The following EXOC2 variants were observed in gnomAD, a reference collection of about 807,000 sequenced individuals.
EXOC2 encodes the protein SEC5-like 1.
In EXOC2, 70 loss-of-function variants were observed where a neutral mutation model predicts 131.8. That is an observed-to-expected ratio of 0.53 (90% CI 0.44 to 0.65). The LOEUF (loss-of-function observed/expected upper bound fraction) is 0.65, where lower values mean the gene tolerates loss of function less well. Among genes scored for constraint, EXOC2 ranks in the 30% least tolerant of loss-of-function variants. The pLI, the probability that EXOC2 is intolerant of heterozygous loss-of-function variation, is 0.00. For missense variants in EXOC2, 923 were observed against 1,108.6 expected, an observed-to-expected ratio of 0.83 and a Z score of 2.38; for synonymous variants, 411 against 398.4, an observed-to-expected ratio of 1.03 and a Z score of -0.38.
intron 23 of EXOC2, among the ~76,000 whole-genome samples, chr6:517,320 C>CA (rs1419136732): frequency 1.3e-5 from 2 of 151,866 alleles, no homozygotes; most frequent in Non-Finnish European, 2.9e-5. Flanking sequence ...AAGAGACTCC[C>CA]ACAAAGAGGG....
chr6:495,873 C>T (rs551553720), intron 25 of EXOC2, among the ~76,000 whole-genome samples: 43 of 151,990 alleles, frequency 2.8e-4, no homozygotes, highest in African/African-American at 7.8e-4. Flanking sequence ...CATTGTCCCA[C>T]GGGTCGAGAG....
intron 24 of EXOC2, 91 bp from the exon 25 acceptor site, chr6:497,580 A>C (rs1325732675): frequency 6.8e-7 from 1 of 1,467,926 alleles, no homozygotes; most frequent in Middle Eastern, 1.8e-4. Flanking sequence ...AAAACAAAAG[A>C]AAATCAACAG....
At chr6:564,205 A>G in intron 15 of EXOC2, 51 bp from the exon 16 acceptor site, 3 of 1,595,306 alleles carry the variant, frequency 1.9e-6, no homozygotes, top group Non-Finnish European at 1.7e-6. Context: ...ATCGCAAAGC[A>G]ATCCCTAGCA....
chr6:589,421 C>A (rs1277636151), intron 11 of EXOC2, among the ~76,000 whole-genome samples: 1 of 151,808 alleles, frequency 6.6e-6, no homozygotes, highest in East Asian at 1.9e-4. Flanking sequence ...CAATGCCGAT[C>A]CGGAGAACTG....
chr6:528,164 T>TA (rs1438560739), intron 23 of EXOC2, among the ~76,000 whole-genome samples: 1 of 152,146 alleles, frequency 6.6e-6, no homozygotes, highest in Non-Finnish European at 1.5e-5. Flanking sequence ...AAAACATCGC[T>TA]ACGGCTTTAA....
At chr6:688,278 T>A (rs556928964) in intron 1 of EXOC2, among the ~76,000 whole-genome samples, 25 of 152,328 alleles carry the variant, frequency 1.6e-4, no homozygotes, top group African/African-American at 5.5e-4. Flanking sequence ...GGAAGATTCC[T>A]TGATGGCCCA....
intron 10 of EXOC2, 57 bp from the exon 11 acceptor site, chr6:592,644 C>G: frequency 2.2e-6 from 3 of 1,368,988 alleles, no homozygotes; most frequent in South Asian, 1.2e-5. Flanking sequence ...ATTTTAAAAT[C>G]ATTACTTTTT....
At chr6:503,663 C>G (rs1437430258) in intron 23 of EXOC2, among the ~76,000 whole-genome samples, 2 of 152,048 alleles carry the variant, frequency 1.3e-5, no homozygotes, top group East Asian at 3.9e-4. Context: ...TTTGTGAAGT[C>G]CTTAAACGGT....
In EXOC2 at chr6:527,024, T is replaced by C. The variant is rs114751610; in HGVS notation, c.2380+5445A>G. Reference sequence around the variant, plus strand: ...TATATGCAATAAATGCTGACTACGTTACTAAACATGGGTACCTAGTAATGT... The same window carrying C: ...TATATGCAATAAATGCTGACTACGTCACTAAACATGGGTACCTAGTAATGT... On this transcript the variant is annotated intron_variant, in intron 23 of 27. Transcript: ENST00000230449. Among the ~76,000 whole-genome samples the C allele has an allele frequency of 4.6e-3, 708 of 152,346 alleles. 6 individuals are homozygous for C. Among genetic ancestry groups the C allele is most frequent in the Non-Finnish European group, 7.6e-3 (515 of 68,028 alleles).
At chr6:637,270 C>T (rs1766823) in intron 2 of EXOC2, among the ~76,000 whole-genome samples, 6,593 of 152,238 alleles carry the variant, frequency 0.043, 387 homozygotes, top group African/African-American at 0.14. Context: ...AACTGCTGCC[C>T]GTGTCACCAG....
At chr6:611,193 T>C (rs998237252) in intron 6 of EXOC2, among the ~76,000 whole-genome samples, 1 of 152,144 alleles carries the variant, frequency 6.6e-6, no homozygotes, top group Non-Finnish European at 1.5e-5. Context: ...AGATGGACTA[T>C]GCCTAAGCAT....
chr6:540,436 G>C (rs571325851), intron 22 of EXOC2, among the ~76,000 whole-genome samples: 50 of 152,290 alleles, frequency 3.3e-4, no homozygotes, highest in African/African-American at 1.2e-3. Context: ...CCTGATTTCT[G>C]AATTATACCA....
Position 656,213 on chromosome 6 carries a change from T to G in EXOC2, c.-43-18352A>C, listed in dbSNP as rs373928600. ...TGCACAGGGCCGTCGTAGGATGTAT[T>G]TGCTGTCCCTCCAAAAACTGCAGAA... On this transcript the variant is annotated intron_variant, in intron 1 of 27. Transcript: ENST00000230449. 1.4e-5 allele frequency: 22 copies of G among 1,614,098 alleles called. No homozygotes were observed. The highest frequency in any genetic ancestry group is 2.7e-5 in the African/African-American group (2 of 74,934).
At chr6:569,536 AAAT>A in intron 13 of EXOC2, among the ~76,000 whole-genome samples, 1 of 152,354 alleles carries the variant, frequency 6.6e-6, no homozygotes, top group Middle Eastern at 3.4e-3. Context: ...GTGTGAGATT[AAAT>A]AGCTATCAAA....
intron 24 of EXOC2, among the ~76,000 whole-genome samples, 163 bp downstream of exon 24, chr6:499,482 G>GAC (rs1763922502): frequency 5.4e-5 from 8 of 148,052 alleles, no homozygotes; most frequent in Non-Finnish European, 1.1e-4. Context: ...CAGAGACAGA[G>GAC]AGAGACAGAC....
intron 1 of EXOC2, among the ~76,000 whole-genome samples, chr6:691,962 C>G (rs1190837491): frequency 6.6e-6 from 1 of 152,200 alleles, no homozygotes; most frequent in Non-Finnish European, 1.5e-5. Context: ...AAAAAATCAT[C>G]TTTGAGAAGA....
intron 7 of EXOC2, among the ~76,000 whole-genome samples, chr6:604,061 G>A (rs1171577735): frequency 6.6e-6 from 1 of 152,188 alleles, no homozygotes; most frequent in East Asian, 1.9e-4. Flanking sequence ...CCCGTTTTAT[G>A]TTGGAGGCAA....
chr6:553,898 G>A lies in EXOC2; in HGVS notation c.2077C>T (p.Pro693Ser). The change falls in exon 21 of 28, where the codon CCT becomes TCT. Residue 693 changes from proline to serine, a missense_variant. Coordinates refer to ENST00000230449, the MANE Select transcript of EXOC2 (RefSeq NM_018303.6). ...TCATGGATACTTCCAAACAAGTCAG[G>A]GGAAGAAACATCAACAGAGAGACTG... Reference protein sequence around the residue: ...TTHLSVDVSSPDLFGSIHEDF... With the variant: ...TTHLSVDVSSSDLFGSIHEDF... 6.2e-7 allele frequency: 1 copy of A among 1,613,890 alleles called. No individual in the cohort carries two copies. Among genetic ancestry groups the A allele is most frequent in the African/African-American group, 1.3e-5 (1 of 74,990 alleles).
intron 4 of EXOC2, among the ~76,000 whole-genome samples, chr6:626,772 T>C (rs1054363554): frequency 1.3e-5 from 2 of 152,078 alleles, no homozygotes; most frequent in African/African-American, 4.8e-5. Context: ...TTTGTATTTT[T>C]AGTAGAGACG....
Sources: allele counts gnomAD v4.1 joint callset (sites outside exome capture counted in the v4.1 genomes callset), GRCh38; gene constraint gnomAD v4.1.1; transcripts MANE v1.5; gene names NCBI Gene and HGNC (gene_info 2026-07-23, HGNC 2026-07-21).